The following ELL2 variants were observed in gnomAD, a reference collection of about 807,000 sequenced individuals.
ELL2 encodes the protein elongation factor for RNA polymerase II 2.
Under a neutral mutation model 72.8 loss-of-function variants are expected in ELL2, and 21 were observed. The ratio of observed to expected loss-of-function variants is 0.29; its 90% CI spans 0.20 to 0.42. ELL2 has a LOEUF of 0.42. Among genes scored for constraint, ELL2 ranks in the 10% least tolerant of loss-of-function variants. ELL2 has a pLI of 1.00. For missense variants in ELL2, 568 were observed against 772.8 expected (o/e 0.73, Z 3.14); for synonymous variants, 266 against 283.2 (o/e 0.94, Z 0.61).
intron 2 of ELL2, among the ~76,000 whole-genome samples, chr5:95,941,436 G>A (rs1750965048): frequency 6.6e-6 from 1 of 152,000 alleles, no homozygotes; most frequent in African/African-American, 2.4e-5. Flanking sequence ...TGGGGCCCAG[G>A]GGCAACTAGT....
chr5:95,948,263 C>T (rs1333358817), intron 1 of ELL2, among the ~76,000 whole-genome samples: 1 of 145,836 alleles, frequency 6.9e-6, no homozygotes, highest in East Asian at 2.2e-4. Flanking sequence ...AACCCCGTCT[C>T]TACTAAAAAA....
At chr5:95,916,370 C>T (rs976175950) in intron 3 of ELL2, among the ~76,000 whole-genome samples, 7 of 151,966 alleles carry the variant, frequency 4.6e-5, no homozygotes, top group Admixed American at 2.6e-4. Flanking sequence ...CAGGAGGGAA[C>T]CAACTGTGAA....
At chr5:95,944,470 A>T (rs530630970) in intron 1 of ELL2, among the ~76,000 whole-genome samples, 2 of 152,348 alleles carry the variant, frequency 1.3e-5, no homozygotes, top group Non-Finnish European at 2.9e-5. Flanking sequence ...AAAAGGTAGT[A>T]CCTGAATTTT....
intron 1 of ELL2, among the ~76,000 whole-genome samples, chr5:95,947,508 G>A (rs191823446): frequency 5.9e-5 from 9 of 152,068 alleles, no homozygotes; most frequent in East Asian, 1.9e-4. Context: ...TATATCTATC[G>A]TCTCAAGTGA....
chr5:95,909,191 G>A (rs1422110988), intron 4 of ELL2, among the ~76,000 whole-genome samples: 1 of 152,162 alleles, frequency 6.6e-6, no homozygotes, highest in Non-Finnish European at 1.5e-5. Context: ...GAAAGTAAGA[G>A]CCTGATCAAG....
At position 95,942,265 on chromosome 5, in the gene ELL2, C is replaced by T. The variant is rs565430858; in HGVS notation, c.195+737G>A. On this transcript the variant is annotated intron_variant, in intron 2 of 11. Coordinates refer to ENST00000237853, the MANE Select transcript of ELL2 (RefSeq NM_012081.6). ...CTCTATAGCTCTAAAAATCCATTTA[C>T]GGATATTACAAATTTCCATTTTATA... 4.1e-3 allele frequency among the ~76,000 whole-genome samples: 624 copies of T among 152,112 alleles called. 2 individuals are homozygous for T. The highest frequency in any genetic ancestry group is 6.2e-3 in the Non-Finnish European group (422 of 67,980).
intron 8 of ELL2, 74 bp from the exon 9 acceptor site, chr5:95,895,765 G>T: frequency 8.8e-7 from 1 of 1,138,198 alleles, no homozygotes; most frequent in Non-Finnish European, 1.3e-6. Flanking sequence ...TTCTAAAATA[G>T]ATTAGAAACA....
At chr5:95,943,129 A>G in intron 1 of ELL2, 80 bp from the exon 2 acceptor site, 5 of 1,270,758 alleles carry the variant, frequency 3.9e-6, no homozygotes, top group Non-Finnish European at 5.4e-6. Context: ...CTTTAAATCT[A>G]TGTTATTTGG....
In ELL2 at chr5:95,898,547, C is replaced by G. The variant is rs758045644; in HGVS notation, c.1218G>C (p.Gly406=). 2.5e-6 allele frequency: 4 copies of G among 1,614,054 alleles called. No individual in the cohort carries two copies. Among genetic ancestry groups the G allele is most frequent in the East Asian group, 4.5e-5 (2 of 44,884 alleles). ...SNSPSTPEGR[G]TQDLPVDSFS... ...AACTGTCAACAGGTAGGTCTTGAGTCCCCCGGCCTTCTGGAGTGCTAGGGG... is the reference window on the plus strand; with the variant it reads ...AACTGTCAACAGGTAGGTCTTGAGTGCCCCGGCCTTCTGGAGTGCTAGGGG... Residue 406 remains glycine (G), a synonymous_variant, in exon 8 of 12, where the codon GGG becomes GGC. Coordinates refer to ENST00000237853, the MANE Select transcript of ELL2 (RefSeq NM_012081.6).
chr5:95,927,910 ACTT>A (rs1363428014), intron 2 of ELL2, among the ~76,000 whole-genome samples: 4 of 150,746 alleles, frequency 2.7e-5, no homozygotes, highest in Non-Finnish European at 4.4e-5. Flanking sequence ...GGTTAAGTGT[ACTT>A]CTTATTTTTA....
At position 95,927,706 on chromosome 5, in the gene ELL2, C is replaced by CACACACACATATGTGTGTATATAGACAT. The variant is rs1750418637; in HGVS notation, c.196-8189_196-8162dup. On this transcript the variant is annotated intron_variant, in intron 2 of 11. Transcript: ENST00000237853. ...ACACACACGTGTGTATATAGACATA[C>CACACACACATATGTGTGTATATAGACAT]ACACACACATATGTGTGTATATAGA... 2.3e-4 allele frequency among the ~76,000 whole-genome samples: 11 copies of CACACACACATATGTGTGTATATAGACAT among 48,440 alleles called. 3 individuals carry two copies. The highest frequency in any genetic ancestry group is 8.2e-4 in the African/African-American group (7 of 8,578). The allele number at this position is 48,440 out of a possible 152,430, so 31.8% of individuals were successfully genotyped here. A position where few individuals can be genotyped will look rare whatever the true frequency, so the allele number is the denominator to read the frequency against.
chr5:95,929,305 C>A (rs1308012356), intron 2 of ELL2, among the ~76,000 whole-genome samples: 1 of 150,584 alleles, frequency 6.6e-6, no homozygotes, highest in East Asian at 2.0e-4. Context: ...GTCGCCCAGG[C>A]TGGAGTGCAG....
At chr5:95,950,330 G>A (rs1307694250) in intron 1 of ELL2, among the ~76,000 whole-genome samples, 1 of 152,026 alleles carries the variant, frequency 6.6e-6, no homozygotes, top group African/African-American at 2.4e-5. Context: ...ATCTGATAGA[G>A]AACCCAAAGA....
chr5:95,956,549 A>C (rs913781170), intron 1 of ELL2, among the ~76,000 whole-genome samples: 1 of 152,354 alleles, frequency 6.6e-6, no homozygotes, highest in East Asian at 1.9e-4. Context: ...TGGTGGCTTA[A>C]GAACAGTCTT....
intron 10 of ELL2, among the ~76,000 whole-genome samples, chr5:95,890,293 G>A (rs540971916): frequency 6.6e-6 from 1 of 152,244 alleles, no homozygotes; most frequent in Admixed American, 6.5e-5. Context: ...AATGAATCTT[G>A]AGGACACAAA....
chr5:95,940,989 G>A (rs1298707772), intron 2 of ELL2, among the ~76,000 whole-genome samples: 1 of 152,014 alleles, frequency 6.6e-6, no homozygotes, highest in African/African-American at 2.4e-5. Flanking sequence ...AGGGGTGGAT[G>A]GAATGCAGCT....
At position 95,901,252 on chromosome 5, in the gene ELL2, G is replaced by A. The variant is rs1417588158; in HGVS notation, c.742-172C>T. 4 of 590,234 alleles carry A rather than the reference G, an allele frequency of 6.8e-6. No individual in the cohort carries two copies. The Admixed American group carries it at 1.2e-4, about 17-fold the overall frequency. 36.6% of individuals were successfully genotyped at this position (590,234 alleles called of 1,614,324 possible). A position where few individuals can be genotyped will look rare whatever the true frequency, so the allele number is the denominator to read the frequency against. ...AATAAATGCCATTAACTTCATTTTG[G>A]GAATTAAAGCTTTATATACACAGCT... On this transcript the variant is annotated intron_variant, in intron 5 of 11. Coordinates refer to ENST00000237853, the MANE Select transcript of ELL2 (RefSeq NM_012081.6).
chr5:95,890,772 C>A (rs1432870388), intron 10 of ELL2, among the ~76,000 whole-genome samples: 1 of 152,160 alleles, frequency 6.6e-6, no homozygotes, highest in Admixed American at 6.5e-5. Flanking sequence ...GACCTATGAG[C>A]TGTAGTCTAA....
intron 4 of ELL2, among the ~76,000 whole-genome samples, chr5:95,912,799 G>A (rs1027914435): frequency 6.6e-6 from 1 of 152,222 alleles, no homozygotes. Flanking sequence ...CACTAGTGGA[G>A]CTTCTCAAAG....
Sources: gnomAD v4.1 joint callset for allele counts (sites outside exome capture counted in the v4.1 genomes callset) on GRCh38, gnomAD v4.1.1 for gene constraint, MANE v1.5 for transcripts, NCBI Gene and HGNC (gene_info 2026-07-23, HGNC 2026-07-21) for gene names.